Variants in EXOC6B observed in about 807,000 individuals in gnomAD.
The protein encoded by EXOC6B is exocyst complex component 6B, also known as SEC15 homolog B.
Under a neutral mutation model 113.5 loss-of-function variants are expected in EXOC6B, and 54 were observed. The observed-to-expected ratio is 0.48, with a 90% CI of 0.38 to 0.60. The LOEUF (loss-of-function observed/expected upper bound fraction) is 0.60. EXOC6B is among the 20% of genes least tolerant of loss of function. EXOC6B has a pLI of 0.00. For missense variants in EXOC6B, 797 were observed against 977.5 expected, an observed-to-expected ratio of 0.82 and a Z score of 2.46; for synonymous variants, 357 against 339.0, an observed-to-expected ratio of 1.05 and a Z score of -0.58.
chr2:72,688,515 G>C (rs1677247713), intron 6 of EXOC6B, among the ~76,000 whole-genome samples: 1 of 151,962 alleles, frequency 6.6e-6, no homozygotes, highest in African/African-American at 2.4e-5. Context: ...CATGAGTTAT[G>C]AGCTGAGGAC....
intron 8 of EXOC6B, 39 bp downstream of exon 8, chr2:72,559,414 A>G: frequency 2.1e-6 from 3 of 1,423,134 alleles, no homozygotes; most frequent in Non-Finnish European, 2.8e-6. Context: ...TTTGAACTCA[A>G]TGGACATCTT....
At chr2:72,711,511 T>C (rs1411071215) in intron 6 of EXOC6B, among the ~76,000 whole-genome samples, 1 of 152,184 alleles carries the variant, frequency 6.6e-6, no homozygotes, top group African/African-American at 2.4e-5. Context: ...ACAGAAGATA[T>C]GTTCCAAGTT....
At chr2:72,751,724 CGAAA>C (rs778948722) in intron 1 of EXOC6B, among the ~76,000 whole-genome samples, 1 of 151,818 alleles carries the variant, frequency 6.6e-6, no homozygotes. Flanking sequence ...TGCAGAAAGA[CGAAA>C]GACGGAAAAC....
At chr2:72,472,914 A>G (rs762388515) in intron 17 of EXOC6B, among the ~76,000 whole-genome samples, 3 of 152,210 alleles carry the variant, frequency 2.0e-5, no homozygotes, top group Non-Finnish European at 4.4e-5. Context: ...ATTTATTTCC[A>G]TATTAATTTC....
intron 6 of EXOC6B, among the ~76,000 whole-genome samples, chr2:72,592,814 T>C (rs759411967): frequency 6.6e-6 from 1 of 152,154 alleles, no homozygotes; most frequent in Admixed American, 6.6e-5. Flanking sequence ...ACCCTTGGAA[T>C]TTCTGAGTGT....
chr2:72,562,801 A>G (rs953967219), intron 7 of EXOC6B, among the ~76,000 whole-genome samples: 4 of 152,070 alleles, frequency 2.6e-5, no homozygotes, highest in Admixed American at 6.6e-5. Flanking sequence ...GCAGTCAGGA[A>G]CTCAAGACTT....
chr2:72,550,212 A>T (rs925479479), intron 8 of EXOC6B, among the ~76,000 whole-genome samples: 6 of 152,136 alleles, frequency 3.9e-5, no homozygotes, highest in Non-Finnish European at 8.8e-5. Flanking sequence ...TCCATTTTTT[A>T]AAAGTCTTTG....
chr2:72,295,250 TACTC>T (rs1258961555), intron 20 of EXOC6B, among the ~76,000 whole-genome samples: 3 of 137,916 alleles, frequency 2.2e-5, no homozygotes, highest in African/African-American at 5.5e-5. Context: ...AAAAAAAAAA[TACTC>T]AGACCTCAAG....
chr2:72,556,587 T>C (rs1358120665), intron 8 of EXOC6B, among the ~76,000 whole-genome samples: 1 of 152,166 alleles, frequency 6.6e-6, no homozygotes, highest in African/African-American at 2.4e-5. Context: ...ACAAAGTTTA[T>C]ATTTTTTATT....
chr2:72,295,570 G>GT (rs1686083066), intron 20 of EXOC6B, among the ~76,000 whole-genome samples: 1 of 152,136 alleles, frequency 6.6e-6, no homozygotes, highest in African/African-American at 2.4e-5. Context: ...TTTAATGAGT[G>GT]TTTATATGAA....
intron 17 of EXOC6B, among the ~76,000 whole-genome samples, chr2:72,476,114 C>T (rs913614611): frequency 1.3e-5 from 2 of 152,200 alleles, no homozygotes. Flanking sequence ...AGTGCCATCA[C>T]ACAATCTCTC....
intron 6 of EXOC6B, among the ~76,000 whole-genome samples, chr2:72,608,481 C>T (rs546824144): frequency 2.0e-5 from 3 of 152,194 alleles, no homozygotes; most frequent in Admixed American, 2.0e-4. Flanking sequence ...ATTCTTCCTG[C>T]TAAAACTCAA....
intron 19 of EXOC6B, among the ~76,000 whole-genome samples, chr2:72,367,502 C>A (rs1171267317): frequency 6.6e-6 from 1 of 152,146 alleles, no homozygotes; most frequent in Non-Finnish European, 1.5e-5. Context: ...TCCTCCCTCC[C>A]CAACCCCACC....
At chr2:72,574,812 T>C (rs1704733309) in intron 7 of EXOC6B, among the ~76,000 whole-genome samples, 1 of 152,122 alleles carries the variant, frequency 6.6e-6, no homozygotes, top group African/African-American at 2.4e-5. Context: ...GAAAAAACAT[T>C]TTAACAGGAA....
intron 20 of EXOC6B, among the ~76,000 whole-genome samples, chr2:72,218,350 T>C (rs1380692236): frequency 1.3e-5 from 2 of 152,208 alleles, no homozygotes; most frequent in African/African-American, 4.8e-5. Flanking sequence ...TCATGAATTC[T>C]TTGATCCTGT....
intron 20 of EXOC6B, among the ~76,000 whole-genome samples, chr2:72,280,291 G>C (rs1685056943): frequency 6.6e-6 from 1 of 151,942 alleles, no homozygotes; most frequent in African/African-American, 2.4e-5. Context: ...ATTCAGATAT[G>C]TTTCAAACAC....
At chr2:72,634,224 T>C (rs1672676317) in intron 6 of EXOC6B, among the ~76,000 whole-genome samples, 1 of 152,230 alleles carries the variant, frequency 6.6e-6, no homozygotes, top group African/African-American at 2.4e-5. Context: ...AGCCAATCTA[T>C]AGCCTGTATT....
intron 15 of EXOC6B, among the ~76,000 whole-genome samples, chr2:72,494,108 A>T (rs1359606893): frequency 3.3e-5 from 5 of 152,158 alleles, no homozygotes; most frequent in African/African-American, 1.2e-4. Flanking sequence ...TGTGAAAAGT[A>T]TCAAAGGAAG....
At chr2:72,367,988 T>G (rs1217390597) in intron 19 of EXOC6B, among the ~76,000 whole-genome samples, 3 of 152,122 alleles carry the variant, frequency 2.0e-5, no homozygotes, top group Non-Finnish European at 4.4e-5. Flanking sequence ...AATGGAACTC[T>G]TAGGCAACTC....
Sources: allele counts gnomAD v4.1 joint callset (sites outside exome capture counted in the v4.1 genomes callset), GRCh38; gene constraint gnomAD v4.1.1; transcripts MANE v1.5; gene names NCBI Gene and HGNC (gene_info 2026-07-23, HGNC 2026-07-21).